The following GRM7 variants were observed in gnomAD, a reference collection of about 807,000 sequenced individuals.
The protein encoded by GRM7 is metabotropic glutamate receptor 7.
A neutral mutation model predicts 84.5 loss-of-function variants in GRM7; 35 were observed. The observed-to-expected ratio is 0.41, with a 90% CI of 0.32 to 0.55. The LOEUF is 0.55. Ranked by LOEUF, GRM7 falls within the 20% of genes least tolerant of loss-of-function variation. The pLI, the probability that GRM7 is intolerant of heterozygous loss-of-function variation, is 0.19. For synonymous variants in GRM7, 487 were observed against 455.1 expected (o/e 1.07, Z -0.89); for missense variants, 1,003 against 1,194.6 (o/e 0.84, Z 2.36).
intron 7 of GRM7, among the ~76,000 whole-genome samples, chr3:7,539,142 G>T: frequency 6.6e-6 from 1 of 152,116 alleles, no homozygotes; most frequent in East Asian, 1.9e-4. Flanking sequence ...GTCTCTTGAG[G>T]TGATTTATCG....
intron 9 of GRM7, among the ~76,000 whole-genome samples, chr3:7,737,779 T>A (rs1029336002): frequency 6.6e-6 from 1 of 151,998 alleles, no homozygotes; most frequent in Non-Finnish European, 1.5e-5. Flanking sequence ...TATTCCCAGA[T>A]GAGAAACGGG....
At chr3:7,664,960 TA>T (rs1699622349) in intron 8 of GRM7, among the ~76,000 whole-genome samples, 1 of 152,148 alleles carries the variant, frequency 6.6e-6, no homozygotes, top group African/African-American at 2.4e-5. Flanking sequence ...AGACAATATT[TA>T]TATTTAATTT....
At chr3:7,339,869 G>A (rs1189868182) in intron 4 of GRM7, among the ~76,000 whole-genome samples, 2 of 152,036 alleles carry the variant, frequency 1.3e-5, no homozygotes, top group Non-Finnish European at 2.9e-5. Flanking sequence ...TCCAGTGACC[G>A]CTGACTGTGT....
chr3:7,020,858 C>T (rs1470386958), intron 1 of GRM7, among the ~76,000 whole-genome samples: 1 of 152,022 alleles, frequency 6.6e-6, no homozygotes, highest in African/African-American at 2.4e-5. Flanking sequence ...ATGCTGAGTC[C>T]AGTTGACAGA....
At chr3:7,107,899 A>G (rs1375350890) in intron 1 of GRM7, among the ~76,000 whole-genome samples, 1 of 152,078 alleles carries the variant, frequency 6.6e-6, no homozygotes, top group Non-Finnish European at 1.5e-5. Context: ...AGCCAATTTC[A>G]GAGAACTGGA....
chr3:7,426,693 G>A (rs1451078043), intron 5 of GRM7, among the ~76,000 whole-genome samples: 1 of 151,996 alleles, frequency 6.6e-6, no homozygotes, highest in Non-Finnish European at 1.5e-5. Context: ...TGTCTCTCTC[G>A]TACTTGGCTT....
chr3:7,556,453 C>A (rs922042835), intron 7 of GRM7, among the ~76,000 whole-genome samples: 1 of 152,016 alleles, frequency 6.6e-6, no homozygotes, highest in Non-Finnish European at 1.5e-5. Context: ...TTTTGCAGTG[C>A]CCAAAAAATT....
Position 7,714,443 on chromosome 3 carries a change from G to C in GRM7, c.2699-25914G>C, listed in dbSNP as rs558833246. On this transcript the variant is annotated intron_variant, in intron 9 of 9. Transcript: ENST00000357716. ...AACTTGACAAAGACGTGAATTTCTA[G>C]AAATGTCCCCTATTACCTTGCTACA... 8.3e-4 allele frequency among the ~76,000 whole-genome samples: 126 copies of C among 152,292 alleles called. No individual in the cohort carries two copies. The South Asian group carries it at 0.025, about 30-fold the overall frequency.
intron 2 of GRM7, among the ~76,000 whole-genome samples, chr3:7,289,955 T>A (rs560035232): frequency 7.4e-4 from 112 of 152,028 alleles, no homozygotes; most frequent in African/African-American, 2.3e-3. Context: ...CATGTATACA[T>A]ATGTACCAAA....
intron 2 of GRM7, among the ~76,000 whole-genome samples, chr3:7,205,424 AG>A (rs1190070132): frequency 6.6e-6 from 1 of 152,218 alleles, no homozygotes; most frequent in African/African-American, 2.4e-5. Flanking sequence ...TGATGGTGCC[AG>A]GGAACAGAGT....
intron 4 of GRM7, among the ~76,000 whole-genome samples, chr3:7,387,132 G>A (rs763181523): frequency 8.6e-5 from 13 of 151,978 alleles, no homozygotes; most frequent in Non-Finnish European, 1.5e-4. Flanking sequence ...CCATTTAATG[G>A]TTATTTGTTT....
At chr3:7,630,778 C>T (rs1160129535) in intron 8 of GRM7, among the ~76,000 whole-genome samples, 1 of 152,182 alleles carries the variant, frequency 6.6e-6, no homozygotes, top group African/African-American at 2.4e-5. Context: ...TGGGAGAAAA[C>T]AGTTGACCCC....
intron 2 of GRM7, among the ~76,000 whole-genome samples, chr3:7,291,699 T>A (rs1374141482): frequency 6.6e-6 from 1 of 152,150 alleles, no homozygotes; most frequent in Non-Finnish European, 1.5e-5. Context: ...TGACCCCTTT[T>A]GACTGTGATC....
chr3:7,168,797 C>T lies in GRM7; in HGVS notation c.736+22129C>T, dbSNP rs1179684304. Among the ~76,000 whole-genome samples, 5 of 152,182 alleles carry T rather than the reference C, an allele frequency of 3.3e-5. No homozygotes were observed. In the East Asian group the frequency reaches 9.6e-4, roughly 29 times the overall value. On this transcript the variant is annotated intron_variant, in intron 2 of 9. Coordinates refer to ENST00000357716, the MANE Select transcript of GRM7 (RefSeq NM_000844.4). The stretch of plus-strand genomic sequence containing the variant: ...AAGTGTCATTGAGTAACTACCAAGA[C>T]TAGTCCTAAGGTAATGGCCAACTTC...
intron 1 of GRM7, among the ~76,000 whole-genome samples, chr3:6,891,192 C>A (rs1308952926): frequency 1.3e-5 from 2 of 152,066 alleles, no homozygotes; most frequent in Non-Finnish European, 2.9e-5. Flanking sequence ...ATCCAATTTG[C>A]CAGTCTGTGT....
intron 1 of GRM7, among the ~76,000 whole-genome samples, chr3:6,914,484 C>A (rs1001173861): frequency 1.1e-4 from 17 of 151,968 alleles, no homozygotes; most frequent in Non-Finnish European, 2.2e-4. Flanking sequence ...CTCACTGCAA[C>A]CTCTGCCTCC....
intron 7 of GRM7, among the ~76,000 whole-genome samples, chr3:7,487,609 G>T (rs531798060): frequency 3.3e-5 from 5 of 152,308 alleles, no homozygotes; most frequent in African/African-American, 1.2e-4. Flanking sequence ...GCTCCAGAGG[G>T]CACAAGTGTA....
At chr3:7,452,564 GT>G in intron 5 of GRM7, 42 bp from the exon 6 acceptor site, 1 of 1,005,170 alleles carries the variant, frequency 9.9e-7, no homozygotes, top group East Asian at 2.4e-5. Flanking sequence ...CAATTTGTGT[GT>G]GTGTGTGTGT....
At chr3:7,540,962 A>G (rs1421816844) in intron 7 of GRM7, among the ~76,000 whole-genome samples, 3 of 152,208 alleles carry the variant, frequency 2.0e-5, no homozygotes, top group Admixed American at 2.0e-4. Context: ...TTGAAGAAGT[A>G]CATATAGATT....
Sources: gnomAD v4.1 joint callset for allele counts (sites outside exome capture counted in the v4.1 genomes callset) on GRCh38, gnomAD v4.1.1 for gene constraint, MANE v1.5 for transcripts, NCBI Gene and HGNC (gene_info 2026-07-23, HGNC 2026-07-21) for gene names.